DISP1: variants seen among roughly 807,000 people sequenced by gnomAD.
The protein encoded by DISP1 is dispatched RND transporter family member 1.
DISP1 carries 30 observed loss-of-function variants against 37.3 expected under a neutral mutation model. The ratio of observed to expected loss-of-function variants is 0.80; its 90% confidence interval spans 0.60 to 1.09. DISP1 has a LOEUF of 1.09. Ranked by LOEUF, DISP1 falls within the 50% of genes least tolerant of loss-of-function variation. The pLI is 0.00. For missense variants in DISP1, 1,598 were observed against 1,879.5 expected (o/e 0.85, Z 2.77); for synonymous variants, 634 against 690.2 (o/e 0.92, Z 1.28).
At chr1:222,863,223 T>C (rs1321617401) in intron 1 of DISP1, among the ~76,000 whole-genome samples, 1 of 151,904 alleles carries the variant, frequency 6.6e-6, no homozygotes, top group Non-Finnish European at 1.5e-5. Context: ...TTCCTTGGTG[T>C]AATTTGTGGG....
chr1:222,954,990 T>G (rs1199452890), intron 3 of DISP1, among the ~76,000 whole-genome samples: 1 of 152,088 alleles, frequency 6.6e-6, no homozygotes, highest in African/African-American at 2.4e-5. Context: ...GCAATCCCCT[T>G]TGTCTGGAGA....
At chr1:222,834,543 C>T (rs969800143) in intron 1 of DISP1, among the ~76,000 whole-genome samples, 1 of 152,122 alleles carries the variant, frequency 6.6e-6, no homozygotes, top group African/African-American at 2.4e-5. Context: ...CGAGGTCTTA[C>T]TATTAAGACA....
At chr1:222,921,178 G>A (rs1177107858) in intron 1 of DISP1, among the ~76,000 whole-genome samples, 2 of 152,122 alleles carry the variant, frequency 1.3e-5, no homozygotes, top group Admixed American at 1.3e-4. Context: ...CGGATGTGGT[G>A]CATGCCTGTA....
intron 1 of DISP1, among the ~76,000 whole-genome samples, chr1:222,831,543 T>C (rs1042087894): frequency 6.6e-6 from 1 of 152,240 alleles, no homozygotes; most frequent in African/African-American, 2.4e-5. Flanking sequence ...ATAAGCTGTA[T>C]ACTAGTTTTT....
At chr1:222,987,996 ATAAAG>A (rs1284597394) in intron 4 of DISP1, among the ~76,000 whole-genome samples, 1 of 152,216 alleles carries the variant, frequency 6.6e-6, no homozygotes, top group African/African-American at 2.4e-5. Context: ...GGAGGAGGAA[ATAAAG>A]TAAGGAGAAT....
intron 3 of DISP1, among the ~76,000 whole-genome samples, chr1:222,946,510 G>T (rs903061748): frequency 6.6e-6 from 1 of 151,850 alleles, no homozygotes; most frequent in African/African-American, 2.4e-5. Flanking sequence ...ACTTTATTGT[G>T]CCTCAATGAT....
chr1:222,920,657 AT>A (rs1195786473), intron 1 of DISP1, among the ~76,000 whole-genome samples: 1 of 152,020 alleles, frequency 6.6e-6, no homozygotes. Context: ...CTTTATAGTA[AT>A]TTTTTGGTTA....
chr1:222,881,424 G>A (rs972319001), intron 1 of DISP1, among the ~76,000 whole-genome samples: 2 of 152,068 alleles, frequency 1.3e-5, no homozygotes, highest in East Asian at 1.9e-4. Context: ...GAAAACCCCC[G>A]TCTTCAGGTG....
chr1:222,910,182 G>A (rs1163791034), intron 1 of DISP1, among the ~76,000 whole-genome samples: 1 of 152,092 alleles, frequency 6.6e-6, no homozygotes, highest in African/African-American at 2.4e-5. Flanking sequence ...GAGCAACATG[G>A]CAAAACCCTG....
Position 223,004,599 on chromosome 1 carries a change from C to G in DISP1, c.3202C>G (p.Arg1068Gly). The part of the protein sequence containing the change: ...VAYRLAPDPD[R>G]EGKVIFSLSR... ...CTACCGCTTGGCTCCAGATCCCGAC[C>G]GAGAAGGCAAAGTGATCTTCTCTCT... Residue 1068 changes from arginine to glycine, a missense_variant, in exon 9 of 9, where the codon CGA becomes GGA. Arg to Gly is a moderately radical substitution (Grantham distance 125). Coordinates refer to ENST00000675850, the MANE Select transcript of DISP1 (RefSeq NM_001377229.1). This position sits in a 1 kb window ranked among gnomAD's most constrained non-coding sequence, Gnocchi z 4.9. 8 of 1,614,110 alleles carry G rather than the reference C, an allele frequency of 5.0e-6. No homozygotes were observed. The highest frequency in any genetic ancestry group is 6.8e-6 in the Non-Finnish European group (8 of 1,179,988).
intron 1 of DISP1, among the ~76,000 whole-genome samples, chr1:222,869,731 T>A (rs564899604): frequency 1.3e-5 from 2 of 152,264 alleles, no homozygotes; most frequent in African/African-American, 4.8e-5. Context: ...CTTAATCTTT[T>A]CTAGCTTTTT....
At chr1:222,912,206 TA>T (rs1348383911) in intron 1 of DISP1, among the ~76,000 whole-genome samples, 2 of 152,198 alleles carry the variant, frequency 1.3e-5, no homozygotes, top group Non-Finnish European at 1.5e-5. Flanking sequence ...AGTTGGAACT[TA>T]AAGAAGAGCC....
At chr1:222,982,867 C>A (rs1677935689) in intron 3 of DISP1, among the ~76,000 whole-genome samples, 1 of 151,872 alleles carries the variant, frequency 6.6e-6, no homozygotes, top group Non-Finnish European at 1.5e-5. Flanking sequence ...TCCTGACTAG[C>A]CACTCGAGCT....
chr1:222,944,088 T>C (rs1379402303), intron 3 of DISP1, among the ~76,000 whole-genome samples: 3 of 152,178 alleles, frequency 2.0e-5, no homozygotes, highest in Non-Finnish European at 4.4e-5. Flanking sequence ...CATGCTGCCT[T>C]ATGGCTGTAC....
intron 1 of DISP1, among the ~76,000 whole-genome samples, chr1:222,869,277 A>G (rs1025088508): frequency 1.3e-5 from 2 of 152,214 alleles, no homozygotes; most frequent in African/African-American, 4.8e-5. Context: ...AATATTTACT[A>G]GAAGCCTGTT....
intron 1 of DISP1, among the ~76,000 whole-genome samples, chr1:222,870,732 C>T (rs933603433): frequency 2.0e-5 from 3 of 152,134 alleles, no homozygotes; most frequent in Non-Finnish European, 2.9e-5. Flanking sequence ...TTCTCCCATT[C>T]TATAGGTTGC....
intron 2 of DISP1, among the ~76,000 whole-genome samples, chr1:222,936,302 C>T (rs1215768655): frequency 1.3e-5 from 2 of 152,012 alleles, no homozygotes; most frequent in African/African-American, 2.4e-5. Context: ...GACATATCCC[C>T]GTCCTTAGGT....
chr1:222,917,128 G>A (rs1415854754), intron 1 of DISP1, among the ~76,000 whole-genome samples: 6 of 152,230 alleles, frequency 3.9e-5, no homozygotes, highest in African/African-American at 1.4e-4. Context: ...ATGAAGGGCT[G>A]TAGAAGCTGA....
intron 1 of DISP1, among the ~76,000 whole-genome samples, chr1:222,885,336 T>C (rs941901705): frequency 6.6e-6 from 1 of 152,182 alleles, no homozygotes; most frequent in Non-Finnish European, 1.5e-5. Flanking sequence ...TGGAGTTCCT[T>C]TGAATTGGTT....
Sources: gnomAD v4.1 joint callset for allele counts (sites outside exome capture counted in the v4.1 genomes callset) on GRCh38, gnomAD v4.1.1 for gene constraint, Gnocchi (gnomAD v3.1) non-coding constraint, MANE v1.5 for transcripts, NCBI Gene and HGNC (gene_info 2026-07-23, HGNC 2026-07-21) for gene names.